Variants in UGT3A2 observed in about 807,000 individuals in gnomAD.
UGT3A2 encodes the protein UDP glycosyltransferase family 3 member A2, also known as UDP-glycosyltransferase 3A2.
In UGT3A2, 32 loss-of-function variants were observed where a neutral mutation model predicts 39.8. The observed-to-expected ratio is 0.80, with a 90% CI of 0.61 to 1.08. The LOEUF (loss-of-function observed/expected upper bound fraction) is 1.08, where lower values mean the gene tolerates loss of function less well. UGT3A2 is among the 50% of genes least tolerant of loss of function. The pLI, the probability that UGT3A2 is intolerant of heterozygous loss-of-function variation, is 0.00. For missense variants in UGT3A2, 611 were observed against 637.1 expected, an observed-to-expected ratio of 0.96 and a Z score of 0.44; for synonymous variants, 241 against 230.7, an observed-to-expected ratio of 1.04 and a Z score of -0.40.
intron 6 of UGT3A2, among the ~76,000 whole-genome samples, chr5:36,036,959 G>T (rs2111684585): frequency 6.6e-6 from 1 of 152,284 alleles, no homozygotes; most frequent in Non-Finnish European, 1.5e-5. Flanking sequence ...CCCTTCTATT[G>T]CTTCACTTAA....
Position 36,049,129 on chromosome 5 carries a change from C to T in UGT3A2, c.603G>A (p.Val201=). The part of the protein sequence containing the change: ...LTDHMDFWGR[V]KNFLMFFSFC... Reference sequence around the variant, plus strand: ...AACTAAAGAACATCAGAAAATTCTTCACTCGGCCCCAGAAGTCCATGTGAT... The same window carrying T: ...AACTAAAGAACATCAGAAAATTCTTTACTCGGCCCCAGAAGTCCATGTGAT... Residue 201 remains valine, a synonymous_variant, in exon 4 of 7, where the codon GTG becomes GTA. Coordinates refer to ENST00000282507, the MANE Select transcript of UGT3A2 (RefSeq NM_174914.4). The T allele has an allele frequency of 6.2e-7, 1 of 1,614,176 alleles. No individual in the cohort carries two copies. Among genetic ancestry groups the T allele is most frequent in the Non-Finnish European group, 8.5e-7 (1 of 1,180,038 alleles).
chr5:36,050,045 A>G (rs1742291602), intron 3 of UGT3A2, among the ~76,000 whole-genome samples: 1 of 151,362 alleles, frequency 6.6e-6, no homozygotes, highest in African/African-American at 2.4e-5. Context: ...TTTGAAACGC[A>G]TTATTTTTTT....
At chr5:36,051,762 C>T (rs1480560535) in intron 3 of UGT3A2, 108 bp downstream of exon 3, 2 of 792,274 alleles carry the variant, frequency 2.5e-6, no homozygotes, top group Non-Finnish European at 4.1e-6. Context: ...ATCCATCCAT[C>T]CATTCGTCAC....
At chr5:36,047,235 TA>T (rs1742195126) in intron 4 of UGT3A2, among the ~76,000 whole-genome samples, 1 of 152,188 alleles carries the variant, frequency 6.6e-6, no homozygotes, top group African/African-American at 2.4e-5. Flanking sequence ...CATGTCTCCC[TA>T]AAATGTATAA....
intron 2 of UGT3A2, among the ~76,000 whole-genome samples, chr5:36,055,116 A>G (rs1489599449): frequency 6.6e-6 from 1 of 151,960 alleles, no homozygotes; most frequent in East Asian, 1.9e-4. Flanking sequence ...TCCAGCCTGC[A>G]TGACAAGAGC....
At chr5:36,046,018 AG>A (rs1452264924) in intron 4 of UGT3A2, among the ~76,000 whole-genome samples, 8 of 152,366 alleles carry the variant, frequency 5.3e-5, no homozygotes, top group African/African-American at 1.4e-4. Flanking sequence ...GGCATATAAA[AG>A]GTTTGCTCAG....
At chr5:36,050,263 C>T (rs973042424) in intron 3 of UGT3A2, among the ~76,000 whole-genome samples, 2 of 151,966 alleles carry the variant, frequency 1.3e-5, no homozygotes, top group Non-Finnish European at 2.9e-5. Flanking sequence ...TGCAAAGGGA[C>T]GATTCTTTTG....
chr5:36,046,427 C>T (rs1742167506), intron 4 of UGT3A2, among the ~76,000 whole-genome samples: 1 of 151,996 alleles, frequency 6.6e-6, no homozygotes, highest in Non-Finnish European at 1.5e-5. Context: ...AACTCATCAG[C>T]CATAAAAAAC....
At chr5:36,039,381 A>G (rs1357246267) in intron 5 of UGT3A2, 96 bp downstream of exon 5, 7 of 1,225,080 alleles carry the variant, frequency 5.7e-6, no homozygotes, top group Non-Finnish European at 8.3e-6. Context: ...TGTACCATTC[A>G]CCAGTGGGTA....
At chr5:36,065,825 G>T (rs1742862250) in intron 1 of UGT3A2, among the ~76,000 whole-genome samples, 1 of 152,066 alleles carries the variant, frequency 6.6e-6, no homozygotes, top group African/African-American at 2.4e-5. Flanking sequence ...TAAATTAGAT[G>T]ATCTGTGGTT....
At chr5:36,060,518 T>C (rs971498092) in intron 2 of UGT3A2, among the ~76,000 whole-genome samples, 1 of 152,152 alleles carries the variant, frequency 6.6e-6, no homozygotes, top group Non-Finnish European at 1.5e-5. Context: ...TACCTCCTCC[T>C]CCCTGCTCAT....
In UGT3A2 at chr5:36,049,318, G is replaced by T; in HGVS notation, c.414C>A (p.Asn138Lys). Residue 138 changes from asparagine (N) to lysine (K), a missense_variant, in exon 4 of 7, where the codon AAC becomes AAA. Coordinates refer to ENST00000282507, the MANE Select transcript of UGT3A2 (RefSeq NM_174914.4). ...AAGTTTCAACTATCACCATGTCGAA[G>T]TTCTCATTCTTTAAGGAATCCATGA... Reference protein sequence around the residue: ...KDIMDSLKNENFDMVIVETFD... With the variant: ...KDIMDSLKNEKFDMVIVETFD... 1 of 1,614,092 alleles carries T rather than the reference G, an allele frequency of 6.2e-7. No individual in the cohort carries two copies. Among genetic ancestry groups the T allele is most frequent in the Non-Finnish European group, 8.5e-7 (1 of 1,180,014 alleles).
intron 2 of UGT3A2, among the ~76,000 whole-genome samples, chr5:36,061,041 A>T (rs1284260855): frequency 6.6e-6 from 1 of 152,088 alleles, no homozygotes; most frequent in Admixed American, 6.5e-5. Context: ...GCCTAATAGC[A>T]CGCACCTGTA....
In UGT3A2 at chr5:36,057,517, T is replaced by TTCTCTC. The variant is rs148807603; in HGVS notation, c.197-5539_197-5534dup. Among the ~76,000 whole-genome samples, 12 of 149,824 alleles carry TTCTCTC rather than the reference T, an allele frequency of 8.0e-5. No homozygotes were observed. In the East Asian group the frequency reaches 1.6e-3, roughly 20 times the overall value. ...TAAAAGGTCTGTAGCTTTCAGTAGT[T>TTCTCTC]TCTCTCTCTCTCTCTCTCTCTTTTT... On this transcript the variant is annotated intron_variant, in intron 2 of 6. Coordinates refer to ENST00000282507, the MANE Select transcript of UGT3A2 (RefSeq NM_174914.4).
intron 4 of UGT3A2, among the ~76,000 whole-genome samples, chr5:36,042,698 C>A (rs975043956): frequency 6.6e-6 from 1 of 151,822 alleles, no homozygotes; most frequent in Non-Finnish European, 1.5e-5. Flanking sequence ...AAAAGATATT[C>A]CATGAAAGTG....
chr5:36,042,262 C>A (rs1742033835), intron 4 of UGT3A2, among the ~76,000 whole-genome samples: 2 of 151,906 alleles, frequency 1.3e-5, no homozygotes, highest in Non-Finnish European at 2.9e-5. Flanking sequence ...TATTACTGTT[C>A]TTTTTTGCTT....
At chr5:36,047,606 G>A (rs1186445165) in intron 4 of UGT3A2, among the ~76,000 whole-genome samples, 1 of 152,006 alleles carries the variant, frequency 6.6e-6, no homozygotes, top group Non-Finnish European at 1.5e-5. Context: ...ATACTGACAA[G>A]GCAACATAAG....
chr5:36,054,420 C>T (rs942725433), intron 2 of UGT3A2, among the ~76,000 whole-genome samples: 65 of 152,298 alleles, frequency 4.3e-4, no homozygotes, highest in African/African-American at 1.5e-3. Context: ...CTTGTCCCAA[C>T]ATCCCCCAAA....
At chr5:36,049,560 A>C in intron 3 of UGT3A2, 140 bp from the exon 4 acceptor site, 1 of 649,766 alleles carries the variant, frequency 1.5e-6, no homozygotes, top group Non-Finnish European at 2.5e-6. Context: ...CCAGTTTCCC[A>C]CAAATACCCT....
Sources: allele counts gnomAD v4.1 joint callset (sites outside exome capture counted in the v4.1 genomes callset), GRCh38; gene constraint gnomAD v4.1.1; transcripts MANE v1.5; gene names NCBI Gene and HGNC (gene_info 2026-07-23, HGNC 2026-07-21).